Variants in L3MBTL4 observed in about 807,000 individuals in gnomAD.
The protein encoded by L3MBTL4 is lethal(3)malignant brain tumor-like protein 4.
In L3MBTL4, 70 loss-of-function variants were observed where a neutral mutation model predicts 84.5. The observed-to-expected ratio is 0.83, with a 90% CI of 0.68 to 1.01. The LOEUF (loss-of-function observed/expected upper bound fraction) is 1.01. Ranked by LOEUF, L3MBTL4 falls within the 50% of genes least tolerant of loss-of-function variation. The pLI, the probability that L3MBTL4 is intolerant of heterozygous loss-of-function variation, is 0.00. For missense variants in L3MBTL4, 715 were observed against 754.8 expected, an observed-to-expected ratio of 0.95 and a Z score of 0.62; for synonymous variants, 274 against 259.8, an observed-to-expected ratio of 1.05 and a Z score of -0.52.
chr18:5,964,095 G>A (rs1363006347), intron 17 of L3MBTL4, among the ~76,000 whole-genome samples: 2 of 152,254 alleles, frequency 1.3e-5, no homozygotes, highest in African/African-American at 4.8e-5. Context: ...TCTGGGAGGT[G>A]TCCCCCACAG....
At chr18:5,970,705 G>C (rs566559) in intron 16 of L3MBTL4, among the ~76,000 whole-genome samples, 105,417 of 152,198 alleles carry the variant, frequency 0.69, 37,519 homozygotes, top group East Asian at 0.94. Flanking sequence ...TAAGCAGTAG[G>C]CACATAATTT....
chr18:6,115,057 A>T (rs1311855818), intron 14 of L3MBTL4, among the ~76,000 whole-genome samples: 1 of 149,492 alleles, frequency 6.7e-6, no homozygotes, highest in Non-Finnish European at 1.5e-5. Context: ...TGGGACAGTG[A>T]CAGGCTCTTC....
intron 14 of L3MBTL4, 122 bp from the exon 15 acceptor site, chr18:6,093,650 T>G (rs1346835148): frequency 1.4e-6 from 1 of 736,396 alleles, no homozygotes; most frequent in East Asian, 3.1e-5. Context: ...CTTCTTTCCC[T>G]GAGCACACTC....
chr18:6,029,770 T>A, intron 16 of L3MBTL4: 3 of 985,364 alleles, frequency 3.0e-6, no homozygotes, highest in Non-Finnish European at 3.6e-6. Flanking sequence ...GGAAAAAAGT[T>A]GTACCAGAAA....
intron 16 of L3MBTL4, among the ~76,000 whole-genome samples, chr18:5,993,547 T>A (rs2053802406): frequency 6.6e-6 from 1 of 152,200 alleles, no homozygotes; most frequent in Non-Finnish European, 1.5e-5. Context: ...TAGAGCAAGT[T>A]TTTTTTCCCA....
At chr18:6,154,229 T>C (rs1279429431) in intron 13 of L3MBTL4, among the ~76,000 whole-genome samples, 1 of 152,184 alleles carries the variant, frequency 6.6e-6, no homozygotes, top group Non-Finnish European at 1.5e-5. Context: ...TCTATTCACA[T>C]CTCTTAATAT....
In L3MBTL4 at chr18:6,301,950, G is replaced by A. The variant is rs768817069; in HGVS notation, c.80C>T (p.Ala27Val). The A allele has an allele frequency of 1.4e-5, 23 of 1,612,084 alleles. No individual in the cohort carries two copies. Among genetic ancestry groups the A allele is most frequent in the Non-Finnish European group, 1.9e-5 (22 of 1,178,152 alleles). ...ATCCTTGGGCTTCTTTTCCTCTTCA[G>A]CTTGCTCCTAGAATACAGAAAATGG... ...RLDQDGRLEQ[A>V]EEEKKPKDST... Residue 27 changes from alanine (A) to valine (V), a missense_variant, in exon 4 of 19, where the codon GCT (alanine) becomes GTT (valine). Transcript: ENST00000317931.
intron 4 of L3MBTL4, among the ~76,000 whole-genome samples, chr18:6,268,874 A>T (rs2048747285): frequency 1.3e-5 from 2 of 152,238 alleles, no homozygotes; most frequent in Admixed American, 1.3e-4. Context: ...ATACATATTC[A>T]CTTGTTATTT....
chr18:6,153,420 A>G (rs1195803010), intron 13 of L3MBTL4, among the ~76,000 whole-genome samples: 1 of 152,144 alleles, frequency 6.6e-6, no homozygotes, highest in African/African-American at 2.4e-5. Flanking sequence ...CAGCAGGCAG[A>G]TATTTCACCT....
chr18:6,016,147 G>T (rs2054967175), intron 16 of L3MBTL4, among the ~76,000 whole-genome samples: 1 of 152,202 alleles, frequency 6.6e-6, no homozygotes, highest in African/African-American at 2.4e-5. Flanking sequence ...AGGTGTGGAA[G>T]TGGGGTTGGC....
At chr18:6,068,553 A>C (rs925874258) in intron 16 of L3MBTL4, among the ~76,000 whole-genome samples, 20 of 152,164 alleles carry the variant, frequency 1.3e-4, no homozygotes, top group African/African-American at 4.6e-4. Context: ...TTGATGTTCC[A>C]AGTAGAGAGG....
rs948471962 is a variant in L3MBTL4 at position 6,069,588 on chromosome 18, C to T, written c.1444+11293G>A. On this transcript the variant is annotated intron_variant, in intron 16 of 18. Coordinates refer to ENST00000317931, the MANE Select transcript of L3MBTL4 (RefSeq NM_001330559.2). Reference sequence around the variant, plus strand: ...GACTCTTCTTGAGCTGGGCTAGCTGCGGCCACTGTGAGGATTGGGAGGTGG... The same window carrying T: ...GACTCTTCTTGAGCTGGGCTAGCTGTGGCCACTGTGAGGATTGGGAGGTGG... Among the ~76,000 whole-genome samples the T allele has an allele frequency of 5.3e-5, 8 of 152,238 alleles. No individual in the cohort carries two copies. The South Asian group carries it at 8.3e-4, about 16-fold the overall frequency.
intron 13 of L3MBTL4, among the ~76,000 whole-genome samples, chr18:6,165,186 A>G (rs1394006007): frequency 1.3e-5 from 2 of 152,242 alleles, no homozygotes; most frequent in Non-Finnish European, 2.9e-5. Context: ...CTATGTGAAA[A>G]GACCAAATCT....
At position 5,960,171 on chromosome 18, in the gene L3MBTL4, G is replaced by A; in HGVS notation, c.1615-15C>T. Reference sequence around the variant, plus strand: ...AACTCAGCCACCTACAGTGCGAGATGAAAAGCCTAATTTAATACATGCACC... The same window carrying A: ...AACTCAGCCACCTACAGTGCGAGATAAAAAGCCTAATTTAATACATGCACC... On this transcript the variant is annotated splice_polypyrimidine_tract_variant and intron_variant, in intron 17 of 18. Transcript: ENST00000317931. 1.3e-6 allele frequency: 2 copies of A among 1,556,972 alleles called. No homozygotes were observed. The highest frequency in any genetic ancestry group is 1.8e-6 in the Non-Finnish European group (2 of 1,140,916).
chr18:6,339,689 CA>C (rs1438857894), intron 1 of L3MBTL4, among the ~76,000 whole-genome samples: 1 of 151,862 alleles, frequency 6.6e-6, no homozygotes, highest in Non-Finnish European at 1.5e-5. Flanking sequence ...GTGATAAACT[CA>C]AGGCAAGACA....
chr18:6,225,245 C>T lies in L3MBTL4; in HGVS notation c.785-9410G>A, dbSNP rs561864731. On this transcript the variant is annotated intron_variant, in intron 10 of 18. Transcript: ENST00000317931. Reference sequence around the variant, plus strand: ...AGTATTTTGCCTGTAGCAGAGCATACGAGGAAGCAGTGATTCTATACAAGT... The same window carrying T: ...AGTATTTTGCCTGTAGCAGAGCATATGAGGAAGCAGTGATTCTATACAAGT... Among the ~76,000 whole-genome samples, 12 of 152,276 alleles carry T rather than the reference C, an allele frequency of 7.9e-5. No homozygotes were observed. In the South Asian group the frequency reaches 1.5e-3, roughly 18 times the overall value.
intron 4 of L3MBTL4, among the ~76,000 whole-genome samples, chr18:6,264,849 A>G (rs1282503733): frequency 1.3e-5 from 2 of 152,264 alleles, no homozygotes; most frequent in East Asian, 3.8e-4. Context: ...TCTTAATGCA[A>G]TCGCAGTAGA....
At chr18:6,374,222 G>A (rs899647008) in intron 1 of L3MBTL4, 1 of 152,470 alleles carries the variant, frequency 6.6e-6, no homozygotes, top group East Asian at 1.9e-4. Flanking sequence ...GCTGTGACTT[G>A]GGCGAGTCAC....
chr18:6,186,812 C>A (rs550035142), intron 12 of L3MBTL4, among the ~76,000 whole-genome samples: 1 of 152,230 alleles, frequency 6.6e-6, no homozygotes, highest in South Asian at 2.1e-4. Flanking sequence ...GTGCTCTAGG[C>A]AGGGAAGCCG....
Sources: allele counts gnomAD v4.1 joint callset (sites outside exome capture counted in the v4.1 genomes callset), GRCh38; gene constraint gnomAD v4.1.1; transcripts MANE v1.5; gene names NCBI Gene and HGNC (gene_info 2026-07-23, HGNC 2026-07-21).